DNAH6: variants seen among roughly 807,000 people sequenced by gnomAD.
DNAH6 encodes axonemal beta dynein heavy chain 6.
A neutral mutation model predicts 491.4 loss-of-function variants in DNAH6; 340 were observed. The observed-to-expected ratio is 0.69, with a 90% confidence interval of 0.63 to 0.76. The LOEUF is 0.76. Ranked by LOEUF, DNAH6 falls within the 30% of genes least tolerant of loss-of-function variation. The pLI is 0.00. For synonymous variants in DNAH6, 1,603 were observed against 1,686.1 expected (o/e 0.95, Z 1.21); for missense variants, 4,443 against 4,972.2 (o/e 0.89, Z 3.20).
intron 14 of DNAH6, 76 bp from the exon 15 acceptor site, chr2:84,583,923 G>A: frequency 6.9e-7 from 1 of 1,458,038 alleles, no homozygotes; most frequent in South Asian, 1.3e-5. Flanking sequence ...TACAGTGTCT[G>A]TCTCCTGTTA....
At chr2:84,724,193 T>A (rs1698419872) in intron 60 of DNAH6, among the ~76,000 whole-genome samples, 1 of 152,118 alleles carries the variant, frequency 6.6e-6, no homozygotes, top group South Asian at 2.1e-4. Context: ...TACATGCCAC[T>A]CAGTAGAAAA....
At chr2:84,723,227 CA>C (rs984676777) in intron 60 of DNAH6, among the ~76,000 whole-genome samples, 1 of 147,916 alleles carries the variant, frequency 6.8e-6, no homozygotes, top group Non-Finnish European at 1.5e-5. Flanking sequence ...GACTCTGTCT[CA>C]AAAAAAATAA....
At chr2:84,564,207 G>T (rs1028466684) in intron 11 of DNAH6, among the ~76,000 whole-genome samples, 1 of 151,916 alleles carries the variant, frequency 6.6e-6, no homozygotes, top group Non-Finnish European at 1.5e-5. Flanking sequence ...ATGAATTTTA[G>T]AATAGTTTTT....
intron 33 of DNAH6, among the ~76,000 whole-genome samples, chr2:84,650,094 G>A (rs182251185): frequency 2.6e-4 from 40 of 151,244 alleles, no homozygotes; most frequent in African/African-American, 9.2e-4. Context: ...TCCATTTTTA[G>A]AAGTTGGACT....
intron 4 of DNAH6, among the ~76,000 whole-genome samples, chr2:84,530,855 T>C (rs1381097070): frequency 6.6e-6 from 1 of 151,932 alleles, no homozygotes; most frequent in Admixed American, 6.6e-5. Flanking sequence ...GCAAGAGGGG[T>C]AGAGTTGCTA....
chr2:84,737,669 T>A (rs112336464), intron 62 of DNAH6, among the ~76,000 whole-genome samples: 154 of 152,176 alleles, frequency 1.0e-3, no homozygotes, highest in African/African-American at 3.5e-3. Context: ...GGGGGATCAT[T>A]TGTGATGTCA....
intron 40 of DNAH6, among the ~76,000 whole-genome samples, chr2:84,674,142 T>G (rs559544190): frequency 6.6e-6 from 1 of 152,164 alleles, no homozygotes. Context: ...TTCTAAGGAT[T>G]TCCCACCTAC....
At chr2:84,587,144 C>A (rs6728846) in intron 15 of DNAH6, among the ~76,000 whole-genome samples, 10,925 of 152,124 alleles carry the variant, frequency 0.072, 1,293 homozygotes, top group African/African-American at 0.25. Context: ...GTCTGTTGTT[C>A]CTCTCTTTGT....
the DNAH6 span, among the ~76,000 whole-genome samples, chr2:84,507,242 T>A: frequency 6.6e-6 from 1 of 152,230 alleles, no homozygotes; most frequent in East Asian, 1.9e-4. Flanking sequence ...TTTATTTCAT[T>A]GAGCAGTGGT....
At chr2:84,773,366 G>A (rs1675820773) in intron 64 of DNAH6, among the ~76,000 whole-genome samples, 1 of 152,000 alleles carries the variant, frequency 6.6e-6, no homozygotes, top group African/African-American at 2.4e-5. Flanking sequence ...ACCTCCAGCT[G>A]CATCCATGTT....
At chr2:84,491,144 A>G in the DNAH6 span, among the ~76,000 whole-genome samples, 3 of 152,336 alleles carry the variant, frequency 2.0e-5, no homozygotes, top group South Asian at 2.1e-4. Flanking sequence ...GGAGTGGAGT[A>G]GGTAAGTCAT....
At chr2:84,816,127 A>G in intron 76 of DNAH6, 44 bp downstream of exon 76, 1 of 1,442,138 alleles carries the variant, frequency 6.9e-7, no homozygotes, top group Non-Finnish European at 9.5e-7. Context: ...ACCAAATGCA[A>G]TCTTCAATCA....
intron 59 of DNAH6, among the ~76,000 whole-genome samples, chr2:84,720,471 G>T (rs1425626854): frequency 6.6e-6 from 1 of 150,802 alleles, no homozygotes; most frequent in Non-Finnish European, 1.5e-5. Context: ...GTAGAGACGG[G>T]GTTTCACCGT....
At chr2:84,703,727 G>A (rs532545989) in intron 50 of DNAH6, among the ~76,000 whole-genome samples, 165 bp downstream of exon 50, 2 of 151,218 alleles carry the variant, frequency 1.3e-5, no homozygotes, top group Non-Finnish European at 2.9e-5. Context: ...ATGCTTTTAA[G>A]TTGTAAACAA....
chr2:84,517,352 A>T (rs1675697533), intron 1 of DNAH6, among the ~76,000 whole-genome samples: 1 of 152,208 alleles, frequency 6.6e-6, no homozygotes, highest in African/African-American at 2.4e-5. Context: ...CTGTGTAAGA[A>T]ATTAGCCCTC....
intron 70 of DNAH6, among the ~76,000 whole-genome samples, chr2:84,798,439 G>T (rs1678545996): frequency 6.6e-6 from 1 of 152,170 alleles, no homozygotes; most frequent in Admixed American, 6.5e-5. Context: ...AGAATAAGCA[G>T]AGGCACAGTT....
At position 84,544,283 on chromosome 2, in the gene DNAH6, A is replaced by T; in HGVS notation, c.713A>T (p.Gln238Leu). 6.6e-7 allele frequency: 1 copy of T among 1,521,410 alleles called. No individual in the cohort carries two copies. The highest frequency in any genetic ancestry group is 8.9e-7 in the Non-Finnish European group (1 of 1,119,780). 94.2% of individuals were successfully genotyped at this position (1,521,410 alleles called of 1,614,324 possible). Residue 238 changes from glutamine to leucine, a missense_variant, in exon 5 of 77, where the codon CAA (glutamine) becomes CTA (leucine). This residue lies in a region of DNAH6 where 2,977 missense variants were observed against 3,296.6 expected (regional missense o/e 0.90). Coordinates refer to ENST00000389394, the MANE Select transcript of DNAH6 (RefSeq NM_001370.2). ...INKNDYYTIS[Q>L]RAVTHIYNED... The stretch of plus-strand genomic sequence containing the variant: ...AAAAATGACTACTATACTATTAGCC[A>T]AAGGGCAGTAACACACATTTATAAT...
At chr2:84,615,447 T>C (rs762807777) in intron 22 of DNAH6, among the ~76,000 whole-genome samples, 1 of 152,174 alleles carries the variant, frequency 6.6e-6, no homozygotes, top group Non-Finnish European at 1.5e-5. Flanking sequence ...CCTTGTAGTA[T>C]AGTTTAAAGT....
intron 22 of DNAH6, among the ~76,000 whole-genome samples, chr2:84,614,434 T>C (rs771397394): frequency 6.6e-6 from 1 of 152,188 alleles, no homozygotes; most frequent in Non-Finnish European, 1.5e-5. Flanking sequence ...CACTCATTGA[T>C]TGATGTGCAT....
Sources: allele counts gnomAD v4.1 joint callset (sites outside exome capture counted in the v4.1 genomes callset), GRCh38; gene constraint gnomAD v4.1.1; regional missense constraint gnomAD v4.1.1; transcripts MANE v1.5; gene names NCBI Gene and HGNC (gene_info 2026-07-23, HGNC 2026-07-21).